SCRN1: variants seen among roughly 807,000 people sequenced by gnomAD.
SCRN1 encodes the protein secernin 1.
A neutral mutation model predicts 43.3 loss-of-function variants in SCRN1; 19 were observed. That is an observed-to-expected ratio of 0.44 (90% CI 0.31 to 0.64). The LOEUF (loss-of-function observed/expected upper bound fraction) is 0.64. Among genes scored for constraint, SCRN1 ranks in the 30% least tolerant of loss-of-function variants. The pLI is 0.09. For synonymous variants in SCRN1, 183 were observed against 188.9 expected (o/e 0.97, Z 0.26); for missense variants, 447 against 524.1 (o/e 0.85, Z 1.44).
At chr7:29,928,057 A>T (rs1787028811) in intron 6 of SCRN1, among the ~76,000 whole-genome samples, 1 of 152,332 alleles carries the variant, frequency 6.6e-6, no homozygotes, top group East Asian at 1.9e-4. Context: ...CAGGAGGCAG[A>T]GGTTGCAGTG....
At chr7:29,980,830 T>C (rs1314602302) in intron 1 of SCRN1, among the ~76,000 whole-genome samples, 3 of 152,222 alleles carry the variant, frequency 2.0e-5, no homozygotes, top group Non-Finnish European at 4.4e-5. Context: ...TACATGATTA[T>C]GTATATGTAT....
chr7:29,990,009 T>G (rs1687867052), upstream of SCRN1: 14 of 1,439,450 alleles, frequency 9.7e-6, no homozygotes, highest in Non-Finnish European at 1.2e-5. Context: ...CCGCAGAAAG[T>G]GGCCCCCTCT....
intron 6 of SCRN1, among the ~76,000 whole-genome samples, chr7:29,936,133 C>T (rs1787316768): frequency 6.6e-6 from 1 of 152,182 alleles, no homozygotes; most frequent in Non-Finnish European, 1.5e-5. Flanking sequence ...TTCTCTAACT[C>T]ACAGGAACTG....
chr7:29,968,505 CAT>C (rs547283985), intron 2 of SCRN1, among the ~76,000 whole-genome samples: 7 of 152,076 alleles, frequency 4.6e-5, no homozygotes, highest in African/African-American at 1.4e-4. Context: ...TGAATATGCA[CAT>C]GTGTGTGTGA....
chr7:29,978,730 A>G (rs1489974658), intron 1 of SCRN1, among the ~76,000 whole-genome samples: 3 of 152,248 alleles, frequency 2.0e-5, no homozygotes. Flanking sequence ...ATTGCAGCTA[A>G]AAAGTATGGC....
intron 1 of SCRN1, among the ~76,000 whole-genome samples, chr7:29,982,431 G>A (rs1026382903): frequency 6.6e-6 from 1 of 150,578 alleles, no homozygotes; most frequent in African/African-American, 2.5e-5. Context: ...TGTAATCACA[G>A]TAGTTTGGGA....
chr7:29,929,192 C>A (rs913867902), intron 6 of SCRN1, among the ~76,000 whole-genome samples: 71 of 152,240 alleles, frequency 4.7e-4, no homozygotes, highest in African/African-American at 1.6e-3. Context: ...CCGGGGCTCC[C>A]ACCCAGCAGC....
chr7:29,945,924 C>A (rs1375972324), intron 3 of SCRN1, among the ~76,000 whole-genome samples: 3 of 152,150 alleles, frequency 2.0e-5, no homozygotes, highest in Non-Finnish European at 2.9e-5. Flanking sequence ...CAAGCCAGTT[C>A]TTGGTGAATT....
At chr7:29,941,553 CGT>C (rs1286202713) in intron 4 of SCRN1, among the ~76,000 whole-genome samples, 1 of 151,874 alleles carries the variant, frequency 6.6e-6, no homozygotes, top group African/African-American at 2.4e-5. Context: ...TGCACACATG[CGT>C]GTGAGTGTGT....
At chr7:29,938,374 GCA>G (rs1339330588) in intron 5 of SCRN1, among the ~76,000 whole-genome samples, 1 of 152,180 alleles carries the variant, frequency 6.6e-6, no homozygotes, top group African/African-American at 2.4e-5. Context: ...CTGTAGTTTC[GCA>G]CAGTGTAAGC....
chr7:29,923,595 C>T lies in SCRN1; in HGVS notation c.*362G>A, dbSNP rs548562653. ...AGACTTCAAAAGAATTTGCTTTTCC[C>T]GCCAACTCGGCACTGTGAAGCCTGC... is the stretch of plus-strand genomic sequence containing the variant. On this transcript the variant is annotated 3_prime_UTR_variant, in exon 8 of 8. Transcript: ENST00000242059. 1.3e-4 allele frequency: 22 copies of T among 173,738 alleles called. No homozygotes were observed. The South Asian group carries it at 2.2e-3, about 18-fold the overall frequency. 10.8% of individuals were successfully genotyped at this position (173,738 alleles called of 1,614,324 possible).
At position 29,989,727 on chromosome 7, in the gene SCRN1, A is replaced by G. The variant is rs2127937768; in HGVS notation, c.-87T>C. The G allele has an allele frequency of 2.0e-6, 2 of 985,878 alleles. No homozygotes were observed. Among genetic ancestry groups the G allele is most frequent in the African/African-American group, 3.5e-5 (2 of 57,316 alleles). The allele number at this position is 985,878 out of a possible 1,614,324, so 61.1% of individuals were successfully genotyped here. On this transcript the variant is annotated 5_prime_UTR_variant, in exon 1 of 8. Transcript: ENST00000242059. ...AGGGTGCGGGTGCTGCCGGGTCCGG[A>G]TTACTGCGGCGACCTCGGGGGCTGC...
intron 2 of SCRN1, among the ~76,000 whole-genome samples, chr7:29,958,273 A>T (rs1194043308): frequency 6.6e-6 from 1 of 152,192 alleles, no homozygotes; most frequent in African/African-American, 2.4e-5. Flanking sequence ...GGGGTTGGGG[A>T]GGGGTAAACA....
chr7:29,937,530 T>C (rs879883027), intron 5 of SCRN1, among the ~76,000 whole-genome samples: 2 of 152,190 alleles, frequency 1.3e-5, no homozygotes, highest in Admixed American at 1.3e-4. Flanking sequence ...AATAACTCAA[T>C]AGATATCCAC....
At position 29,969,009 on chromosome 7, in the gene SCRN1, C is replaced by T. The variant is rs1788585516; in HGVS notation, c.59G>A (p.Gly20Asp). Residue 20 changes from glycine (G) to aspartate (D), a missense_variant, in exon 2 of 8, where the codon GGT (glycine) becomes GAT (aspartate). Transcript: ENST00000242059. ...TGAATTTTTCCCAAATACCACCAGA[C>T]CATCCTTAGCACGTGGAGGGAAGGC... ...FVAFPPRAKD[G>D]LVVFGKNSAR... 1.2e-6 allele frequency: 2 copies of T among 1,614,094 alleles called. No homozygotes were observed. Among genetic ancestry groups the T allele is most frequent in the Non-Finnish European group, 1.7e-6 (2 of 1,180,014 alleles).
At chr7:29,979,896 A>T (rs1788947199) in intron 1 of SCRN1, among the ~76,000 whole-genome samples, 1 of 152,262 alleles carries the variant, frequency 6.6e-6, no homozygotes, top group Non-Finnish European at 1.5e-5. Context: ...TATACATGGC[A>T]GGTTGGAAAA....
intron 3 of SCRN1, among the ~76,000 whole-genome samples, chr7:29,944,464 C>T (rs1023664500): frequency 3.3e-5 from 5 of 151,958 alleles, no homozygotes; most frequent in African/African-American, 9.7e-5. Flanking sequence ...AGTTCAAGAC[C>T]AGCCTGGGCA....
At chr7:29,969,137 A>C (rs1788590462) in intron 1 of SCRN1, 69 bp from the exon 2 acceptor site, 1 of 1,535,582 alleles carries the variant, frequency 6.5e-7, no homozygotes, top group Non-Finnish European at 8.9e-7. Context: ...GAGTTCTTCA[A>C]ACATATTTCA....
intron 5 of SCRN1, 52 bp from the exon 6 acceptor site, chr7:29,936,773 G>A (rs568742770): frequency 2.1e-5 from 30 of 1,418,856 alleles, no homozygotes; most frequent in East Asian, 7.4e-5. Context: ...TAGGCCGGGC[G>A]CGGTGGCTCA....
Sources: gnomAD v4.1 joint callset for allele counts (sites outside exome capture counted in the v4.1 genomes callset) on GRCh38, gnomAD v4.1.1 for gene constraint, MANE v1.5 for transcripts, NCBI Gene and HGNC (gene_info 2026-07-23, HGNC 2026-07-21) for gene names.